Variants in NAV3 observed in about 807,000 individuals in gnomAD.
NAV3 encodes pore membrane and/or filament interacting like protein 1.
In NAV3, 87 loss-of-function variants were observed where a neutral mutation model predicts 244.7. The ratio of observed to expected loss-of-function variants is 0.36; its 90% confidence interval spans 0.30 to 0.42. The LOEUF is 0.42. Ranked by LOEUF, NAV3 falls within the 20% of genes least tolerant of loss-of-function variation. The pLI is 1.00. For missense variants in NAV3, 2,663 were observed against 2,893.3 expected, an observed-to-expected ratio of 0.92 and a Z score of 1.83; for synonymous variants, 1,126 against 1,042.2, an observed-to-expected ratio of 1.08 and a Z score of -1.55.
chr12:78,021,749 C>T lies in NAV3; in HGVS notation c.1910C>T (p.Ala637Val). The change falls in exon 9 of 40, where the codon GCA (alanine) becomes GTA (valine). Residue 637 changes from alanine (A) to valine (V), a missense_variant and splice_region_variant. Physicochemically the swap from Ala to Val is moderately conservative, Grantham distance 64 (BLOSUM62 0). Around this residue, in one of 6 missense-constraint regions of NAV3, gnomAD observed 1,521 missense variants for 1,497.0 expected, o/e 1.02. Coordinates refer to ENST00000397909, the MANE Select transcript of NAV3 (RefSeq NM_001024383.2). ...TATVAPFIYRAHSENEGTALP... is the reference protein window; with the variant it reads ...TATVAPFIYRVHSENEGTALP... ...TCTATTTTCATGGTTAATTTCAGGG[C>T]ACATTCAGAAAATGAAGGTACCGCT... is the stretch of plus-strand genomic sequence containing the variant. 6.2e-7 allele frequency: 1 copy of T among 1,602,114 alleles called. No individual in the cohort carries two copies. Among genetic ancestry groups the T allele is most frequent in the Non-Finnish European group, 8.5e-7 (1 of 1,171,412 alleles).
At chr12:78,052,258 T>G in intron 11 of NAV3, 1 of 152,214 alleles carries the variant, frequency 6.6e-6, no homozygotes, top group East Asian at 1.9e-4. Flanking sequence ...ATTACATTTA[T>G]AGCTTTGCTC....
chr12:77,788,167 A>G (rs1378934739), intron 2 of NAV3, among the ~76,000 whole-genome samples: 3 of 152,212 alleles, frequency 2.0e-5, no homozygotes, highest in East Asian at 1.9e-4. Context: ...CTGAATATCA[A>G]TAGACCCAAA....
At chr12:77,933,394 A>G (rs1204894924) in intron 1 of NAV3, among the ~76,000 whole-genome samples, 1 of 152,208 alleles carries the variant, frequency 6.6e-6, no homozygotes, top group East Asian at 1.9e-4. Flanking sequence ...TCAGAGATTG[A>G]AAGAGAATGA....
intron 22 of NAV3, among the ~76,000 whole-genome samples, chr12:78,154,283 ATAC>A (rs1957198754): frequency 2.7e-5 from 2 of 73,514 alleles, no homozygotes; most frequent in South Asian, 3.3e-4. Flanking sequence ...ATTACTATAT[ATAC>A]TACTATATAT....
intron 12 of NAV3, among the ~76,000 whole-genome samples, chr12:78,114,098 G>T (rs1361978004): frequency 6.6e-6 from 1 of 152,168 alleles, no homozygotes; most frequent in African/African-American, 2.4e-5. Flanking sequence ...AGTCACCTTT[G>T]CTCCAGTTCC....
intron 9 of NAV3, among the ~76,000 whole-genome samples, chr12:78,041,851 C>G (rs1338368217): frequency 6.6e-6 from 1 of 152,176 alleles, no homozygotes; most frequent in African/African-American, 2.4e-5. Flanking sequence ...ATTCCTAAAA[C>G]AGATTATAGA....
chr12:78,145,368 G>T (rs1345075304), intron 20 of NAV3, among the ~76,000 whole-genome samples: 5 of 152,094 alleles, frequency 3.3e-5, no homozygotes, highest in Admixed American at 6.6e-5. Context: ...AGACTACTTT[G>T]CTTTATGTTT....
intron 7 of NAV3, 23 bp from the exon 8 acceptor site, chr12:78,006,396 T>C: frequency 6.3e-7 from 1 of 1,595,254 alleles, no homozygotes; most frequent in Non-Finnish European, 8.6e-7. Flanking sequence ...CTTTTCTTTA[T>C]TTTTCTTCTA....
chr12:77,754,607 G>A (rs557153386), intron 2 of NAV3, among the ~76,000 whole-genome samples: 2 of 152,146 alleles, frequency 1.3e-5, no homozygotes, highest in Non-Finnish European at 2.9e-5. Flanking sequence ...CAGAAAACAT[G>A]TTTCTTAATA....
In NAV3 at chr12:77,612,792, C is replaced by G. The variant is rs139005975; in HGVS notation, c.72+40526C>G. Among the ~76,000 whole-genome samples the G allele has an allele frequency of 1.3e-3, 196 of 152,206 alleles. 1 individual carries two copies. The highest frequency in any genetic ancestry group is 4.5e-3 in the African/African-American group (186 of 41,554). On this transcript the variant is annotated intron_variant, in intron 2 of 8. Coordinates refer to the NAV3 transcript ENST00000550042. The stretch of plus-strand genomic sequence containing the variant: ...GGCTGTGTCCCCACCCAAATCTCAT[C>G]TTGAATTGTAGTTACCATAATCCCC...
intron 2 of NAV3, among the ~76,000 whole-genome samples, chr12:77,640,463 C>G (rs1247361860): frequency 6.6e-6 from 1 of 152,136 alleles, no homozygotes; most frequent in Non-Finnish European, 1.5e-5. Flanking sequence ...TCATGCTACT[C>G]TGTGTTCCTA....
chr12:77,846,538 T>G (rs1168968884), intron 1 of NAV3, among the ~76,000 whole-genome samples: 3 of 152,218 alleles, frequency 2.0e-5, no homozygotes, highest in African/African-American at 7.2e-5. Context: ...CTGGGATGAT[T>G]GGTTACTCGA....
intron 3 of NAV3, among the ~76,000 whole-genome samples, chr12:77,948,709 A>G (rs967936926): frequency 2.2e-4 from 27 of 124,722 alleles, no homozygotes; most frequent in Non-Finnish European, 1.0e-4. Flanking sequence ...ACTTAATAAA[A>G]TTATCACTTA....
At chr12:78,201,035 T>TTCTC (rs1385239336) in intron 38 of NAV3, among the ~76,000 whole-genome samples, 1 of 137,284 alleles carries the variant, frequency 7.3e-6, no homozygotes, top group African/African-American at 2.7e-5. Context: ...CTCTCTCTCT[T>TTCTC]TCTCTCTCTC....
intron 2 of NAV3, chr12:77,783,173 T>C (rs1465669910): frequency 6.6e-6 from 1 of 152,094 alleles, no homozygotes; most frequent in African/African-American, 2.4e-5. Context: ...GTACTGGCTA[T>C]AGATTCCAGT....
chr12:78,116,749 G>A (rs368392028), intron 12 of NAV3, 23 bp from the exon 13 acceptor site: 239 of 1,559,600 alleles, frequency 1.5e-4, no homozygotes, highest in South Asian at 1.4e-4. Flanking sequence ...TTGATTCACT[G>A]CTCTTGCATG....
intron 2 of NAV3, among the ~76,000 whole-genome samples, chr12:77,740,746 G>C (rs1268138957): frequency 1.3e-5 from 2 of 152,124 alleles, no homozygotes; most frequent in Non-Finnish European, 2.9e-5. Context: ...TTCTATTGAG[G>C]ATAGGCTGCT....
intron 30 of NAV3, 83 bp downstream of exon 30, chr12:78,181,128 G>A (rs575417710): frequency 7.1e-6 from 9 of 1,274,824 alleles, no homozygotes; most frequent in South Asian, 1.4e-5. Flanking sequence ...AGAACTTTAC[G>A]TACTCTTAAA....
At chr12:77,915,254 C>T (rs1887009650) in intron 1 of NAV3, among the ~76,000 whole-genome samples, 1 of 152,014 alleles carries the variant, frequency 6.6e-6, no homozygotes, top group Non-Finnish European at 1.5e-5. Context: ...GGACAAATCA[C>T]AAATTTCACA....
Sources: gnomAD v4.1 joint callset for allele counts (sites outside exome capture counted in the v4.1 genomes callset) on GRCh38, gnomAD v4.1.1 for gene constraint, gnomAD v4.1.1 regional missense constraint, MANE v1.5 for transcripts, NCBI Gene and HGNC (gene_info 2026-07-23, HGNC 2026-07-21) for gene names.